Variants in RERE observed in about 807,000 individuals in gnomAD.
RERE encodes arginine-glutamic acid dipeptide repeats, also known as arginine-glutamic acid dipeptide repeats protein.
A neutral mutation model predicts 146.1 loss-of-function variants in RERE; 40 were observed. The observed-to-expected ratio is 0.27, with a 90% CI of 0.21 to 0.36. The LOEUF (loss-of-function observed/expected upper bound fraction) is 0.36, where lower values mean the gene tolerates loss of function less well. Among genes scored for constraint, RERE ranks in the 10% least tolerant of loss-of-function variants. The pLI is 1.00. For synonymous variants in RERE, 1,003 were observed against 866.0 expected, an observed-to-expected ratio of 1.16 and a Z score of -2.78; for missense variants, 1,933 against 2,138.7, an observed-to-expected ratio of 0.90 and a Z score of 1.90.
intron 1 of RERE, among the ~76,000 whole-genome samples, chr1:8,685,571 C>CAA (rs200870707): frequency 2.6e-5 from 4 of 151,850 alleles, no homozygotes; most frequent in African/African-American, 4.8e-5. Context: ...AACACACACA[C>CAA]AAAAAAACAA....
At chr1:8,475,340 C>T (rs1057353208) in intron 10 of RERE, among the ~76,000 whole-genome samples, 5 of 148,874 alleles carry the variant, frequency 3.4e-5, no homozygotes, top group African/African-American at 1.2e-4. Flanking sequence ...CGCCACTGCA[C>T]GCCAGCCTGG....
intron 3 of RERE, among the ~76,000 whole-genome samples, chr1:8,617,200 C>T (rs999035061): frequency 6.6e-5 from 10 of 151,686 alleles, no homozygotes; most frequent in Non-Finnish European, 1.5e-4. Context: ...AAAACATAGC[C>T]GGGGGTGGTG....
At chr1:8,611,754 T>C (rs536045256) in intron 4 of RERE, among the ~76,000 whole-genome samples, 2 of 152,266 alleles carry the variant, frequency 1.3e-5, no homozygotes, top group East Asian at 3.9e-4. Flanking sequence ...TGGAGATAAA[T>C]GTGCACGTAT....
At chr1:8,486,230 T>C (rs978981757) in intron 10 of RERE, among the ~76,000 whole-genome samples, 3 of 152,122 alleles carry the variant, frequency 2.0e-5, no homozygotes, top group Non-Finnish European at 4.4e-5. Flanking sequence ...ACCCAGTAAC[T>C]ACAGAGAGCA....
At chr1:8,632,436 G>A (rs116520531) in intron 2 of RERE, among the ~76,000 whole-genome samples, 276 of 152,294 alleles carry the variant, frequency 1.8e-3, no homozygotes, top group Non-Finnish European at 2.8e-3. Flanking sequence ...TTCACAATGC[G>A]TGTGTTATAA....
chr1:8,456,444 A>T (rs114430069), intron 11 of RERE, among the ~76,000 whole-genome samples: 1 of 152,234 alleles, frequency 6.6e-6, no homozygotes, highest in African/African-American at 2.4e-5. Flanking sequence ...TAAACCAGTT[A>T]CAAAACAAAA....
Position 8,365,922 on chromosome 1 carries a change from C to T in RERE, c.1337G>A (p.Ser446Asn). Residue 446 changes from serine to asparagine, a missense_variant, in exon 13 of 23, where the codon AGC (serine) becomes AAC (asparagine). Physicochemically the swap from Ser to Asn is conservative, Grantham distance 46. Around this residue, in one of 11 missense-constraint regions of RERE, gnomAD observed 260 missense variants for 378.4 expected, o/e 0.69. Coordinates refer to ENST00000400908, the MANE Select transcript of RERE (RefSeq NM_001042681.2). ...YYWKKTPEAA[S>N]SRAHRRHRRQ... is the part of the protein sequence containing the mutation. ...GCGGTGCCTACGATGGGCTCGGGAG[C>T]TGGCTGCTTCGGGGGTCTTCTTCCA... is the stretch of plus-strand genomic sequence containing the variant. The T allele has an allele frequency of 6.2e-7, 1 of 1,614,132 alleles. No homozygotes were observed. The highest frequency in any genetic ancestry group is 8.5e-7 in the Non-Finnish European group (1 of 1,180,034).
At chr1:8,789,243 G>A (rs1389878119) in intron 1 of RERE, among the ~76,000 whole-genome samples, 11 of 122,438 alleles carry the variant, frequency 9.0e-5, no homozygotes, top group Non-Finnish European at 1.3e-4. Context: ...CCAGGAGTTC[G>A]AAACCAGCCT....
rs368165758 is a variant in RERE, at chr1:8,621,783, T to C, written c.396+2527A>G. On this transcript the variant is annotated intron_variant, in intron 3 of 22. Transcript: ENST00000400908. Reference sequence around the variant, plus strand: ...TTAAAATCTTGCAGAGAAACAAAGCTTATTTCCTTCTGCTCATCTTTTACC... The same window carrying C: ...TTAAAATCTTGCAGAGAAACAAAGCCTATTTCCTTCTGCTCATCTTTTACC... Among the ~76,000 whole-genome samples, 10 of 152,362 alleles carry C rather than the reference T, an allele frequency of 6.6e-5. No homozygotes were observed. In the East Asian group the frequency reaches 1.7e-3, roughly 26 times the overall value.
chr1:8,708,175 T>G (rs1639594039), intron 1 of RERE, among the ~76,000 whole-genome samples: 1 of 152,186 alleles, frequency 6.6e-6, no homozygotes. Context: ...AATCTCATCT[T>G]GTAGCTCCCA....
intron 12 of RERE, among the ~76,000 whole-genome samples, chr1:8,390,528 A>C (rs1201227212): frequency 6.6e-6 from 1 of 152,160 alleles, no homozygotes; most frequent in East Asian, 1.9e-4. Context: ...GAACTTGGGG[A>C]AGGAAGAAGG....
chr1:8,773,068 CTAAGAAAT>C (rs1462406321), intron 1 of RERE, among the ~76,000 whole-genome samples: 4 of 152,058 alleles, frequency 2.6e-5, no homozygotes, highest in African/African-American at 9.7e-5. Context: ...GCCTGGGCAA[CTAAGAAAT>C]TTACTTCTTT....
At chr1:8,480,141 TTG>T (rs773606336) in intron 10 of RERE, among the ~76,000 whole-genome samples, 16 of 25,608 alleles carry the variant, frequency 6.2e-4, no homozygotes, top group African/African-American at 1.2e-3. Context: ...TTTTTTTTTT[TTG>T]TTTTTTTTTT....
In RERE at chr1:8,355,011, C is replaced by T. The variant is rs1293358734; in HGVS notation, c.*76G>A. ...AGATATTCTTTTTGCTTTTGCAGCT[C>T]CTATTTTATGTAAAAAGTCCTGTTT... On this transcript the variant is annotated 3_prime_UTR_variant, in exon 23 of 23. Transcript: ENST00000400908. 1.6e-6 allele frequency: 2 copies of T among 1,213,662 alleles called. No individual in the cohort carries two copies. Among genetic ancestry groups the T allele is most frequent in the African/African-American group, 3.1e-5 (2 of 65,452 alleles). 75.2% of individuals were successfully genotyped at this position (1,213,662 alleles called of 1,614,324 possible).
In RERE at chr1:8,497,458, G is replaced by A. The variant is rs749354617; in HGVS notation, c.951C>T (p.Val317=). 154 of 1,614,006 alleles carry A rather than the reference G, an allele frequency of 9.5e-5. No homozygotes were observed. The highest frequency in any genetic ancestry group is 1.2e-4 in the Non-Finnish European group (147 of 1,179,998). Residue 317 remains valine (V), a synonymous_variant, in exon 9 of 23, where the codon GTC becomes GTT. Coordinates refer to ENST00000400908, the MANE Select transcript of RERE (RefSeq NM_001042681.2). The part of the protein sequence containing the change: ...GDTVTQHEEL[V]WMPGVNDCDL... ...CACAGTCGTTAACTCCAGGCATCCAGACCAGTTCCTCATGTTGGGTCACTG... is the reference window on the plus strand; with the variant it reads ...CACAGTCGTTAACTCCAGGCATCCAAACCAGTTCCTCATGTTGGGTCACTG...
chr1:8,353,218 G>C lies in RERE; in HGVS notation c.*1869C>G, dbSNP rs1350576438. On this transcript the variant is annotated 3_prime_UTR_variant, in exon 23 of 23. Transcript: ENST00000400908. ...AAGTTAAGGCAGAAATGGAATGAGA[G>C]AAAAATGAAAGAAAAAAAACTAGAA... 1.3e-5 allele frequency: 2 copies of C among 152,262 alleles called. No individual in the cohort carries two copies. Among genetic ancestry groups the C allele is most frequent in the Non-Finnish European group, 2.9e-5 (2 of 68,010 alleles). 9.4% of individuals were successfully genotyped at this position (152,262 alleles called of 1,614,324 possible).
chr1:8,624,367 G>A lies in RERE; in HGVS notation c.339C>T (p.Ile113=), dbSNP rs765937275. Residue 113 remains isoleucine, a synonymous_variant, in exon 3 of 23, where the codon ATC becomes ATT. Coordinates refer to ENST00000400908, the MANE Select transcript of RERE (RefSeq NM_001042681.2). ...ACGGTGTGTTTGGCCTCCGACTCTCGATATACACACAGTCTTTAAAAGAAA... is the reference window on the plus strand; with the variant it reads ...ACGGTGTGTTTGGCCTCCGACTCTCAATATACACACAGTCTTTAAAAGAAA... ...VVYRPGDCVY[I]ESRRPNTPYF... The A allele has an allele frequency of 3.1e-6, 5 of 1,609,638 alleles. No individual in the cohort carries two copies. The highest frequency in any genetic ancestry group is 1.1e-5 in the South Asian group (1 of 90,940).
chr1:8,559,308 A>T (rs1646049215), intron 4 of RERE, among the ~76,000 whole-genome samples: 1 of 137,228 alleles, frequency 7.3e-6, no homozygotes, highest in Non-Finnish European at 1.6e-5. Context: ...AAAAAAACAG[A>T]ACAAAACAAA....
intron 10 of RERE, among the ~76,000 whole-genome samples, chr1:8,473,924 A>C (rs1644722415): frequency 6.6e-6 from 1 of 152,238 alleles, no homozygotes; most frequent in African/African-American, 2.4e-5. Context: ...AAGAGGTTCA[A>C]TAGAGCCAAC....
Sources: gnomAD v4.1 joint callset for allele counts (sites outside exome capture counted in the v4.1 genomes callset) on GRCh38, gnomAD v4.1.1 for gene constraint, gnomAD v4.1.1 regional missense constraint, MANE v1.5 for transcripts, NCBI Gene and HGNC (gene_info 2026-07-23, HGNC 2026-07-21) for gene names.